Variants in LRP1B observed in about 807,000 individuals in gnomAD.
LRP1B encodes low-density lipoprotein receptor-related protein 1B.
In LRP1B, 217 loss-of-function variants were observed where a neutral mutation model predicts 556.6. The observed-to-expected ratio is 0.39, with a 90% confidence interval of 0.35 to 0.44. The LOEUF (loss-of-function observed/expected upper bound fraction) is 0.44. Ranked by LOEUF, LRP1B falls within the 20% of genes least tolerant of loss-of-function variation. LRP1B has a pLI of 1.00. For synonymous variants in LRP1B, 2,047 were observed against 1,865.8 expected (o/e 1.10, Z -2.50); for missense variants, 5,053 against 5,620.8 (o/e 0.90, Z 3.23).
chr2:141,450,559 TA>T (rs1322821147), intron 3 of LRP1B, among the ~76,000 whole-genome samples: 1 of 151,140 alleles, frequency 6.6e-6, no homozygotes, highest in Non-Finnish European at 1.5e-5. Flanking sequence ...TTTAAAAAAA[TA>T]AAGATGCCAT....
At chr2:141,909,241 G>T (rs1387069603) in intron 1 of LRP1B, among the ~76,000 whole-genome samples, 1 of 152,008 alleles carries the variant, frequency 6.6e-6, no homozygotes, top group Non-Finnish European at 1.5e-5. Context: ...TTAAAGTTGA[G>T]CCTGGACATT....
At chr2:141,346,414 G>T (rs749444352) in intron 3 of LRP1B, among the ~76,000 whole-genome samples, 6 of 152,008 alleles carry the variant, frequency 3.9e-5, no homozygotes, top group Non-Finnish European at 8.8e-5. Context: ...ATCCTCTCCT[G>T]GGCAGTGCAG....
intron 1 of LRP1B, among the ~76,000 whole-genome samples, chr2:142,020,654 C>T (rs1370884916): frequency 6.6e-6 from 1 of 151,996 alleles, no homozygotes; most frequent in African/African-American, 2.4e-5. Flanking sequence ...CAGTGAGTGG[C>T]TCAGCTAATT....
chr2:142,052,178 A>T (rs1470220600), intron 1 of LRP1B, among the ~76,000 whole-genome samples: 1 of 143,674 alleles, frequency 7.0e-6, no homozygotes, highest in African/African-American at 2.8e-5. Context: ...ATGGCAAGTT[A>T]AAAAAAAAAC....
chr2:141,137,330 T>G (rs1701515958), intron 7 of LRP1B, among the ~76,000 whole-genome samples: 1 of 151,880 alleles, frequency 6.6e-6, no homozygotes, highest in African/African-American at 2.4e-5. Flanking sequence ...TCATCATTCC[T>G]GGAACACTAG....
At chr2:141,520,562 G>T (rs1684491459) in intron 2 of LRP1B, among the ~76,000 whole-genome samples, 1 of 151,976 alleles carries the variant, frequency 6.6e-6, no homozygotes, top group African/African-American at 2.4e-5. Flanking sequence ...TTCCAGAAAG[G>T]ATCTCAAGGC....
intron 2 of LRP1B, among the ~76,000 whole-genome samples, chr2:141,666,755 T>A (rs1041813700): frequency 1.3e-5 from 2 of 152,190 alleles, no homozygotes; most frequent in Non-Finnish European, 2.9e-5. Flanking sequence ...GGTTTCTGTC[T>A]CTTGAACTGA....
In LRP1B at chr2:141,601,572, G is replaced by A. The variant is rs1018886292; in HGVS notation, c.206-121039C>T. Among the ~76,000 whole-genome samples the A allele has an allele frequency of 4.3e-4, 65 of 149,950 alleles. 1 individual carries two copies. The highest frequency in any genetic ancestry group is 1.5e-3 in the African/African-American group (61 of 40,712). On this transcript the variant is annotated intron_variant, in intron 2 of 90. Transcript: ENST00000389484. ...GCCACTTCTAGACTATATTAGTAGC[G>A]TGATTTAACCTGTATTGTAGCACTC... is the stretch of plus-strand genomic sequence containing the variant.
chr2:142,079,888 G>T (rs1159582149), intron 1 of LRP1B, among the ~76,000 whole-genome samples: 1 of 152,048 alleles, frequency 6.6e-6, no homozygotes, highest in Non-Finnish European at 1.5e-5. Context: ...TGAACTAACA[G>T]GTTTTCAACA....
chr2:141,798,765 T>C (rs1384944683), intron 2 of LRP1B, among the ~76,000 whole-genome samples: 1 of 151,628 alleles, frequency 6.6e-6, no homozygotes, highest in Non-Finnish European at 1.5e-5. Context: ...TCTTGTGTGT[T>C]ATGGGCTGAA....
chr2:140,965,922 A>G (rs1490607246), intron 18 of LRP1B, among the ~76,000 whole-genome samples: 3 of 150,456 alleles, frequency 2.0e-5, no homozygotes, highest in Non-Finnish European at 4.4e-5. Context: ...TCCATGGTGT[A>G]TATGTGCCAC....
intron 2 of LRP1B, among the ~76,000 whole-genome samples, chr2:141,701,304 C>T (rs1691931179): frequency 6.6e-6 from 1 of 151,890 alleles, no homozygotes; most frequent in Admixed American, 6.6e-5. Flanking sequence ...TCCCTGAACA[C>T]ATCACTCACT....
chr2:141,488,494 T>C (rs1168978269), intron 2 of LRP1B, among the ~76,000 whole-genome samples: 1 of 152,158 alleles, frequency 6.6e-6, no homozygotes, highest in Non-Finnish European at 1.5e-5. Flanking sequence ...TTACTTCTAC[T>C]GAAGTAATTG....
At chr2:140,361,483 A>G (rs1198306272) in intron 72 of LRP1B, among the ~76,000 whole-genome samples, 1 of 150,014 alleles carries the variant, frequency 6.7e-6, no homozygotes, top group Non-Finnish European at 1.5e-5. Context: ...TCATTTCTAT[A>G]TTTTAAGAGC....
chr2:141,311,457 A>G (rs1231732103), intron 3 of LRP1B, among the ~76,000 whole-genome samples: 7 of 152,110 alleles, frequency 4.6e-5, no homozygotes, highest in Admixed American at 2.0e-4. Flanking sequence ...GTTTTTTTCA[A>G]GGCTCCACTA....
intron 23 of LRP1B, among the ~76,000 whole-genome samples, chr2:140,892,682 T>C (rs1223140590): frequency 1.3e-5 from 2 of 152,130 alleles, no homozygotes; most frequent in Non-Finnish European, 2.9e-5. Flanking sequence ...AAAGGAATTT[T>C]TATCCACATC....
intron 3 of LRP1B, among the ~76,000 whole-genome samples, chr2:141,337,103 A>T (rs1344500824): frequency 2.0e-5 from 3 of 149,366 alleles, no homozygotes; most frequent in African/African-American, 7.6e-5. Flanking sequence ...TTAAATGTCT[A>T]AAAAAAACTG....
chr2:141,682,619 C>T (rs1691144837), intron 2 of LRP1B, among the ~76,000 whole-genome samples: 1 of 152,096 alleles, frequency 6.6e-6, no homozygotes, highest in Admixed American at 6.6e-5. Flanking sequence ...GATTAGGAAA[C>T]TTTTCGAGTA....
At chr2:142,090,773 A>T (rs2104948931) in intron 1 of LRP1B, among the ~76,000 whole-genome samples, 1 of 152,252 alleles carries the variant, frequency 6.6e-6, no homozygotes, top group South Asian at 2.1e-4. Flanking sequence ...TCATCTTCTA[A>T]AAATTTTACC....
Sources: gnomAD v4.1 joint callset for allele counts (sites outside exome capture counted in the v4.1 genomes callset) on GRCh38, gnomAD v4.1.1 for gene constraint, MANE v1.5 for transcripts, NCBI Gene and HGNC (gene_info 2026-07-23, HGNC 2026-07-21) for gene names.